ASXL3: variants seen among roughly 807,000 people sequenced by gnomAD.
The protein encoded by ASXL3 is putative Polycomb group protein ASXL3.
Under a neutral mutation model 170.6 loss-of-function variants are expected in ASXL3, and 34 were observed. The observed-to-expected ratio is 0.20, with a 90% CI of 0.15 to 0.27. The LOEUF is 0.27. ASXL3 is among the 10% of genes least tolerant of loss of function. ASXL3 has a pLI of 1.00. For synonymous variants in ASXL3, 1,002 were observed against 989.1 expected, an observed-to-expected ratio of 1.01 and a Z score of -0.24; for missense variants, 2,592 against 2,695.3, an observed-to-expected ratio of 0.96 and a Z score of 0.85.
At chr18:33,717,601 C>A (rs887350941) in intron 8 of ASXL3, among the ~76,000 whole-genome samples, 2 of 152,100 alleles carry the variant, frequency 1.3e-5, no homozygotes, top group Non-Finnish European at 2.9e-5. Flanking sequence ...GACCAATTTT[C>A]TAACTTGAAA....
At chr18:33,614,570 C>T (rs1352489400) in intron 2 of ASXL3, 1 of 152,158 alleles carries the variant, frequency 6.6e-6, no homozygotes. Flanking sequence ...AGGGTGAACT[C>T]TTCTCTGAAG....
intron 8 of ASXL3, among the ~76,000 whole-genome samples, chr18:33,726,802 C>T (rs146173730): frequency 5.3e-5 from 8 of 152,106 alleles, no homozygotes; most frequent in Admixed American, 5.2e-4. Context: ...AAAGGCTTTC[C>T]AGCCCCCTCA....
intron 8 of ASXL3, among the ~76,000 whole-genome samples, chr18:33,697,480 T>A (rs1356015117): frequency 3.3e-5 from 5 of 152,042 alleles, no homozygotes; most frequent in African/African-American, 1.2e-4. Flanking sequence ...GCAGTTGAAT[T>A]TTTGGAAACG....
intron 8 of ASXL3, among the ~76,000 whole-genome samples, chr18:33,717,033 C>G (rs2067176413): frequency 6.6e-6 from 1 of 152,040 alleles, no homozygotes; most frequent in African/African-American, 2.4e-5. Flanking sequence ...GATTCTCGTT[C>G]CCTATACATC....
chr18:33,651,644 G>A (rs1424616308), intron 4 of ASXL3, among the ~76,000 whole-genome samples: 4 of 152,090 alleles, frequency 2.6e-5, no homozygotes, highest in African/African-American at 9.7e-5. Flanking sequence ...TGTTATATTG[G>A]ATTGACAACT....
intron 8 of ASXL3, among the ~76,000 whole-genome samples, chr18:33,706,278 A>G (rs1401570468): frequency 6.6e-6 from 1 of 151,732 alleles, no homozygotes; most frequent in African/African-American, 2.4e-5. Flanking sequence ...TAACATGGAC[A>G]TTTTGGTATT....
At chr18:33,727,788 C>T (rs1254640540) in intron 8 of ASXL3, among the ~76,000 whole-genome samples, 1 of 152,098 alleles carries the variant, frequency 6.6e-6, no homozygotes, top group Non-Finnish European at 1.5e-5. Flanking sequence ...TTCTTAAAAC[C>T]CATAAAATTA....
chr18:33,673,373 ATTTTT>A (rs150226666), intron 7 of ASXL3, among the ~76,000 whole-genome samples: 6 of 138,690 alleles, frequency 4.3e-5, no homozygotes, highest in Admixed American at 7.1e-5. Context: ...GATCTTCAGT[ATTTTT>A]TTTTTTTTTT....
At chr18:33,672,237 A>G (rs2066354649) in intron 7 of ASXL3, among the ~76,000 whole-genome samples, 2 of 152,184 alleles carry the variant, frequency 1.3e-5, no homozygotes, top group Non-Finnish European at 2.9e-5. Flanking sequence ...TGCAGTCTTT[A>G]TAAAGGGTTC....
chr18:33,744,969 C>A lies in ASXL3; in HGVS notation c.5121C>A (p.Asn1707Lys). ...CCTCTAGTGTACAACAAACACAGAA[C>A]ATGAAAGCTTCCACCTCAAGTCCCA... ...EGASSVQQTQ[N>K]MKASTSSPME... is the part of the protein sequence containing the mutation. The change falls in exon 12 of 12, where the codon AAC becomes AAA. Residue 1707 changes from asparagine (N) to lysine (K), a missense_variant. Physicochemically the swap from Asn to Lys is moderately conservative, Grantham distance 94. Around this residue, in one of 4 missense-constraint regions of ASXL3, gnomAD observed 2,246 missense variants for 2,219.6 expected, o/e 1.01. Transcript: ENST00000269197. The A allele has an allele frequency of 2.5e-6, 4 of 1,613,982 alleles. No homozygotes were observed. Among genetic ancestry groups the A allele is most frequent in the Non-Finnish European group, 3.4e-6 (4 of 1,179,902 alleles).
chr18:33,704,958 A>G (rs2066933550), intron 8 of ASXL3, among the ~76,000 whole-genome samples: 1 of 151,774 alleles, frequency 6.6e-6, no homozygotes, highest in South Asian at 2.1e-4. Context: ...TCTTAGTTAA[A>G]TTTTTCTTTT....
chr18:33,735,815 T>G (rs879770786), intron 10 of ASXL3, among the ~76,000 whole-genome samples: 131 of 152,178 alleles, frequency 8.6e-4, no homozygotes, highest in Admixed American at 3.9e-3. Context: ...TTAATGTATT[T>G]ATCTAACATC....
chr18:33,743,853 C>T lies in ASXL3; in HGVS notation c.4005C>T (p.Ser1335=), dbSNP rs771215716. Residue 1335 remains serine (S), a synonymous_variant, in exon 12 of 12, where the codon TCC becomes TCT. Coordinates refer to ENST00000269197, the MANE Select transcript of ASXL3 (RefSeq NM_030632.3). The part of the protein sequence containing the change: ...ISSSSASNLV[S]TQYTSVPTPS... ...GCAGCAGTGCTAGTAACTTAGTCTC[C>T]ACTCAGTACACCTCTGTGCCAACTC... 2 of 1,613,988 alleles carry T rather than the reference C, an allele frequency of 1.2e-6. No homozygotes were observed. The highest frequency in any genetic ancestry group is 2.2e-5 in the South Asian group (2 of 91,082).
At chr18:33,640,396 G>A (rs1433450866) in intron 2 of ASXL3, among the ~76,000 whole-genome samples, 1 of 151,730 alleles carries the variant, frequency 6.6e-6, no homozygotes, top group Non-Finnish European at 1.5e-5. Flanking sequence ...TTTGGCCTTG[G>A]TTTTTCTAGG....
At chr18:33,734,473 C>T in intron 10 of ASXL3, 58 bp downstream of exon 10, 2 of 1,159,492 alleles carry the variant, frequency 1.7e-6, no homozygotes, top group Non-Finnish European at 2.5e-6. Flanking sequence ...ATGTAATTCT[C>T]TGCTTCACAT....
chr18:33,633,438 A>T (rs1310787317), intron 2 of ASXL3, among the ~76,000 whole-genome samples: 2 of 152,238 alleles, frequency 1.3e-5, no homozygotes, highest in African/African-American at 4.8e-5. Context: ...TCAAAATCTT[A>T]TAATTAAACT....
At position 33,745,937 on chromosome 18, in the gene ASXL3, C is replaced by T. The variant is rs1568369387; in HGVS notation, c.6089C>T (p.Ala2030Val). 3 of 567,536 alleles carry T rather than the reference C, an allele frequency of 5.3e-6. No individual in the cohort carries two copies. The highest frequency in any genetic ancestry group is 3.2e-5 in the Admixed American group (1 of 31,332). The allele number at this position is 567,536 out of a possible 1,614,324, so 35.2% of individuals were successfully genotyped here. A position where few individuals can be genotyped will look rare whatever the true frequency, so the allele number is the denominator to read the frequency against. Residue 2030 changes from alanine (A) to valine (V), a missense_variant, in exon 12 of 12, where the codon GCT becomes GTT. Ala to Val is a moderately conservative substitution (Grantham distance 64). This residue lies in a region of ASXL3 where 2,246 missense variants were observed against 2,219.6 expected (regional missense o/e 1.01). Coordinates refer to ENST00000269197, the MANE Select transcript of ASXL3 (RefSeq NM_030632.3). The part of the protein sequence containing the change: ...PPPPPPPPPL[A>V]LPPPPPPPPP... ...CCTCCCCCTCCCCCTCCACCCTTGG[C>T]TTTGCCCCCGCCTCCCCCCCCACCA...
intron 8 of ASXL3, among the ~76,000 whole-genome samples, chr18:33,702,264 C>T (rs1206298840): frequency 1.3e-5 from 2 of 152,046 alleles, no homozygotes; most frequent in Non-Finnish European, 2.9e-5. Flanking sequence ...TTTCCAGTTT[C>T]TTTGCATATC....
At chr18:33,648,486 G>A (rs894144856) in intron 4 of ASXL3, among the ~76,000 whole-genome samples, 2 of 152,082 alleles carry the variant, frequency 1.3e-5, no homozygotes, top group Non-Finnish European at 2.9e-5. Flanking sequence ...AACCAGTTAA[G>A]GGGAGGGGCG....
Sources: gnomAD v4.1 joint callset for allele counts (sites outside exome capture counted in the v4.1 genomes callset) on GRCh38, gnomAD v4.1.1 for gene constraint, gnomAD v4.1.1 regional missense constraint, MANE v1.5 for transcripts, NCBI Gene and HGNC (gene_info 2026-07-23, HGNC 2026-07-21) for gene names.